The following SCHIP1 variants were observed in gnomAD, a reference collection of about 807,000 sequenced individuals.
SCHIP1 encodes the protein schwannomin-interacting protein 1.
In SCHIP1, 8 loss-of-function variants were observed where a neutral mutation model predicts 29.7. The ratio of observed to expected loss-of-function variants is 0.27; its 90% confidence interval spans 0.16 to 0.49. The LOEUF is 0.49. Ranked by LOEUF, SCHIP1 falls within the 20% of genes least tolerant of loss-of-function variation. SCHIP1 has a pLI of 0.99. For synonymous variants in SCHIP1, 76 were observed against 94.9 expected, an observed-to-expected ratio of 0.80 and a Z score of 1.16; for missense variants, 193 against 294.6, an observed-to-expected ratio of 0.66 and a Z score of 2.52.
chr3:159,718,187 C>T, the SCHIP1 span, among the ~76,000 whole-genome samples: 744 of 152,308 alleles, frequency 4.9e-3, 10 homozygotes, highest in Admixed American at 0.022. Context: ...AACAGCCTTT[C>T]ATGCGAAAAA....
At chr3:159,403,602 G>A in the SCHIP1 span, among the ~76,000 whole-genome samples, 1 of 152,204 alleles carries the variant, frequency 6.6e-6, no homozygotes, top group Admixed American at 6.5e-5. Context: ...ATTTAGGCCA[G>A]ACCTAATCAA....
the SCHIP1 span, among the ~76,000 whole-genome samples, chr3:159,279,133 C>T: frequency 5.4e-3 from 825 of 152,282 alleles, 8 homozygotes; most frequent in Non-Finnish European, 9.7e-3. Flanking sequence ...TGAATTGTAG[C>T]TCCCATAATC....
At chr3:159,279,317 C>T in the SCHIP1 span, among the ~76,000 whole-genome samples, 1 of 152,178 alleles carries the variant, frequency 6.6e-6, no homozygotes, top group East Asian at 1.9e-4. Context: ...CTTTGCTCCT[C>T]CTTCACCTTC....
chr3:159,746,252 G>T, the SCHIP1 span, among the ~76,000 whole-genome samples: 1 of 152,138 alleles, frequency 6.6e-6, no homozygotes, highest in South Asian at 2.1e-4. Context: ...TCCTATCATT[G>T]TCTTGTCATT....
intron 1 of SCHIP1, among the ~76,000 whole-genome samples, chr3:159,848,104 A>C (rs1712087280): frequency 6.6e-6 from 1 of 152,220 alleles, no homozygotes; most frequent in Non-Finnish European, 1.5e-5. Context: ...ATGGCTGATA[A>C]TGATCATTTA....
the SCHIP1 span, among the ~76,000 whole-genome samples, chr3:159,319,360 G>T: frequency 2.0e-5 from 3 of 152,184 alleles, no homozygotes; most frequent in Admixed American, 1.3e-4. Context: ...GTGTAACAAA[G>T]GTTGGGGCAT....
chr3:159,618,324 T>G, the SCHIP1 span, among the ~76,000 whole-genome samples: 3 of 152,174 alleles, frequency 2.0e-5, no homozygotes, highest in African/African-American at 7.2e-5. Context: ...AGAAAGGCCT[T>G]AAAGAAGCTG....
At chr3:159,323,092 T>C in the SCHIP1 span, among the ~76,000 whole-genome samples, 1 of 152,348 alleles carries the variant, frequency 6.6e-6, no homozygotes, top group Non-Finnish European at 1.5e-5. Context: ...ACTCAAAAGA[T>C]TGGCATTAAA....
chr3:159,793,242 G>C, the SCHIP1 span, among the ~76,000 whole-genome samples: 3 of 152,182 alleles, frequency 2.0e-5, no homozygotes, highest in East Asian at 5.8e-4. Context: ...TGTGTGCACT[G>C]TCTCTGTCTC....
chr3:159,743,765 C>CAGTA, the SCHIP1 span, among the ~76,000 whole-genome samples: 1 of 152,122 alleles, frequency 6.6e-6, no homozygotes, highest in Non-Finnish European at 1.5e-5. Flanking sequence ...GTGTCGATGT[C>CAGTA]AGTACCCTGG....
At chr3:159,500,636 C>A in the SCHIP1 span, among the ~76,000 whole-genome samples, 1 of 151,820 alleles carries the variant, frequency 6.6e-6, no homozygotes, top group Non-Finnish European at 1.5e-5. Flanking sequence ...ATGGCGTGAA[C>A]CTGGGAGGCA....
chr3:159,530,869 G>A, the SCHIP1 span, among the ~76,000 whole-genome samples: 1 of 152,164 alleles, frequency 6.6e-6, no homozygotes, highest in East Asian at 1.9e-4. Context: ...TGACCAGGAG[G>A]TTGAAATCCA....
chr3:159,495,596 T>G, the SCHIP1 span, among the ~76,000 whole-genome samples: 2 of 151,978 alleles, frequency 1.3e-5, no homozygotes, highest in Admixed American at 6.5e-5. Context: ...CACTGCTCAA[T>G]GAAATAAAAG....
the SCHIP1 span, among the ~76,000 whole-genome samples, chr3:159,751,235 C>T: frequency 1.8e-3 from 267 of 152,218 alleles, no homozygotes; most frequent in African/African-American, 6.3e-3. Context: ...TCTTTATGGC[C>T]TGAGAGCTAC....
intron 4 of SCHIP1, chr3:159,888,289 A>T: frequency 4.2e-6 from 1 of 239,730 alleles, no homozygotes; most frequent in East Asian, 1.0e-4. Context: ...AGTGAATAGG[A>T]GTCCTGGACT....
chr3:159,681,887 GGTTAACTTGGGTTAACTCAAC>G, the SCHIP1 span, among the ~76,000 whole-genome samples: 3 of 147,182 alleles, frequency 2.0e-5, no homozygotes, highest in South Asian at 4.2e-4. Context: ...CGTTAACTTA[GGTTAACTTGGGTTAACTCAAC>G]GTTAACTTAG....
At chr3:159,351,680 G>A in the SCHIP1 span, among the ~76,000 whole-genome samples, 10 of 152,154 alleles carry the variant, frequency 6.6e-5, no homozygotes, top group South Asian at 6.2e-4. Flanking sequence ...TTCTTGCATC[G>A]ATTGTGTTTT....
At chr3:159,504,678 C>T in the SCHIP1 span, among the ~76,000 whole-genome samples, 3 of 152,084 alleles carry the variant, frequency 2.0e-5, no homozygotes, top group Admixed American at 6.6e-5. Flanking sequence ...TCGCAAACTG[C>T]CTGTCACAAG....
chr3:159,294,628 G>A, the SCHIP1 span, among the ~76,000 whole-genome samples: 1 of 152,182 alleles, frequency 6.6e-6, no homozygotes, highest in African/African-American at 2.4e-5. Flanking sequence ...TCTACCAAGT[G>A]TATTTACAGT....
Sources: allele counts gnomAD v4.1 joint callset (sites outside exome capture counted in the v4.1 genomes callset), GRCh38; gene constraint gnomAD v4.1.1; transcripts MANE v1.5; gene names NCBI Gene and HGNC (gene_info 2026-07-23, HGNC 2026-07-21).